Variants in EBF2 observed in about 807,000 individuals in gnomAD.
The protein encoded by EBF2 is EBF transcription factor 2.
EBF2 carries 21 observed loss-of-function variants against 72.8 expected under a neutral mutation model. The observed-to-expected ratio is 0.29, with a 90% CI of 0.20 to 0.42. The LOEUF is 0.42. Ranked by LOEUF, EBF2 falls within the 10% of genes least tolerant of loss-of-function variation. EBF2 has a pLI of 1.00. For missense variants in EBF2, 637 were observed against 731.2 expected (o/e 0.87, Z 1.49); for synonymous variants, 299 against 274.2 (o/e 1.09, Z -0.89).
At chr8:25,904,831 T>C (rs1288231105) in intron 7 of EBF2, among the ~76,000 whole-genome samples, 1 of 152,200 alleles carries the variant, frequency 6.6e-6, no homozygotes. Flanking sequence ...GTTATATTCT[T>C]AGTAGAATCT....
At chr8:25,864,338 C>A (rs902054566) in intron 10 of EBF2, among the ~76,000 whole-genome samples, 1 of 152,086 alleles carries the variant, frequency 6.6e-6, no homozygotes, top group African/African-American at 2.4e-5. Context: ...TTATAAACTG[C>A]GTGTTAATAC....
At chr8:25,949,364 A>G (rs190904412) in intron 6 of EBF2, among the ~76,000 whole-genome samples, 29 of 152,304 alleles carry the variant, frequency 1.9e-4, no homozygotes, top group Admixed American at 6.5e-5. Flanking sequence ...TGGAAGTTTG[A>G]TCATTTTTTA....
intron 10 of EBF2, among the ~76,000 whole-genome samples, chr8:25,866,051 T>A (rs889512209): frequency 1.3e-5 from 2 of 151,678 alleles, no homozygotes; most frequent in African/African-American, 4.8e-5. Context: ...TAACTGAAAG[T>A]AACTGTTATT....
At chr8:25,994,080 T>C (rs1355433369) in intron 6 of EBF2, among the ~76,000 whole-genome samples, 1 of 151,578 alleles carries the variant, frequency 6.6e-6, no homozygotes, top group Non-Finnish European at 1.5e-5. Context: ...TAAAGAAAAA[T>C]TAAAAGCTTA....
intron 6 of EBF2, among the ~76,000 whole-genome samples, chr8:26,022,338 G>A (rs372219410): frequency 1.8e-4 from 27 of 152,148 alleles, no homozygotes; most frequent in African/African-American, 6.0e-4. Flanking sequence ...TGTGCACGTC[G>A]TTTTCAATTA....
rs546978303 is a variant in EBF2, at chr8:26,037,713, A to C, written c.482+2315T>G. 1.3e-3 allele frequency among the ~76,000 whole-genome samples: 194 copies of C among 152,338 alleles called. 1 individual carries two copies. Among genetic ancestry groups the C allele is most frequent in the Non-Finnish European group, 2.2e-3 (149 of 68,036 alleles). ...TTAACCCTCTGAGCATTGAGGGCTC[A>C]GGGGTGGCTGGCAGCGACATAACAA... On this transcript the variant is annotated intron_variant, in intron 5 of 15. Coordinates refer to ENST00000520164, the MANE Select transcript of EBF2 (RefSeq NM_022659.4).
intron 6 of EBF2, among the ~76,000 whole-genome samples, chr8:25,951,387 G>C (rs1330307077): frequency 6.6e-6 from 1 of 152,118 alleles, no homozygotes; most frequent in African/African-American, 2.4e-5. Context: ...ACAACGTACA[G>C]TCCTTTTTTC....
chr8:25,914,656 A>C (rs767923227), intron 6 of EBF2, among the ~76,000 whole-genome samples: 1 of 152,234 alleles, frequency 6.6e-6, no homozygotes, highest in Non-Finnish European at 1.5e-5. Context: ...CTAGCACAAA[A>C]GCCCAAGAAG....
chr8:25,854,663 T>G (rs1319383026), intron 14 of EBF2, among the ~76,000 whole-genome samples: 1 of 152,200 alleles, frequency 6.6e-6, no homozygotes, highest in Non-Finnish European at 1.5e-5. Flanking sequence ...TAATAGGCTT[T>G]TTTTTTCTTT....
In EBF2 at chr8:25,842,170, T is replaced by C. The variant is rs191587104; in HGVS notation, c.*2439A>G. On this transcript the variant is annotated 3_prime_UTR_variant, in exon 16 of 16. Transcript: ENST00000520164. ...ACTCATATTCCAAGTGGCACAAAAA[T>C]AACTTGGGACTGGAATGATTGAATA... The C allele has an allele frequency of 6.6e-6, 1 of 152,254 alleles. No individual in the cohort carries two copies. The highest frequency in any genetic ancestry group is 1.9e-4 in the East Asian group (1 of 5,180). 9.4% of individuals were successfully genotyped at this position (152,254 alleles called of 1,614,324 possible).
chr8:25,926,590 T>C (rs1563402898), intron 6 of EBF2, among the ~76,000 whole-genome samples: 1 of 152,082 alleles, frequency 6.6e-6, no homozygotes, highest in Admixed American at 6.5e-5. Flanking sequence ...GTCCATTTAG[T>C]CCAGAAAGTC....
At chr8:26,041,581 G>A (rs1361835023) in intron 2 of EBF2, 5 of 162,190 alleles carry the variant, frequency 3.1e-5, no homozygotes, top group Non-Finnish European at 6.7e-5. Context: ...TCGGCGGACT[G>A]TCCTTCATTT....
At chr8:26,022,678 C>T (rs1805222594) in intron 6 of EBF2, among the ~76,000 whole-genome samples, 1 of 152,212 alleles carries the variant, frequency 6.6e-6, no homozygotes, top group Non-Finnish European at 1.5e-5. Context: ...GGGGCAGCTG[C>T]TGCATTTCTC....
intron 6 of EBF2, among the ~76,000 whole-genome samples, chr8:25,914,840 A>T (rs1803184876): frequency 6.6e-6 from 1 of 152,236 alleles, no homozygotes; most frequent in Non-Finnish European, 1.5e-5. Flanking sequence ...TAGAATCTTT[A>T]ATCTCCACAG....
At chr8:25,941,657 C>A (rs761367551) in intron 6 of EBF2, among the ~76,000 whole-genome samples, 8 of 152,178 alleles carry the variant, frequency 5.3e-5, no homozygotes, top group Non-Finnish European at 7.3e-5. Flanking sequence ...GTGCCCTAAG[C>A]TACGGAGGAG....
chr8:26,042,338 G>A (rs1283291404), intron 1 of EBF2, 87 bp from the exon 2 acceptor site: 2 of 1,468,326 alleles, frequency 1.4e-6, no homozygotes, highest in East Asian at 2.5e-5. Context: ...CTGCAGAGGG[G>A]TAAGGGGTCC....
chr8:25,946,916 A>G (rs1803778739), intron 6 of EBF2, among the ~76,000 whole-genome samples: 1 of 151,868 alleles, frequency 6.6e-6, no homozygotes, highest in African/African-American at 2.4e-5. Flanking sequence ...ATCATCTCAC[A>G]GAGTTACGTT....
chr8:25,962,285 G>A (rs1421065587), intron 6 of EBF2, among the ~76,000 whole-genome samples: 1 of 152,128 alleles, frequency 6.6e-6, no homozygotes, highest in Non-Finnish European at 1.5e-5. Flanking sequence ...GGTAGTTGTG[G>A]TTCTCTGACA....
At chr8:25,976,651 C>A (rs883771) in intron 6 of EBF2, among the ~76,000 whole-genome samples, 54,527 of 151,570 alleles carry the variant, frequency 0.36, 10,640 homozygotes, top group South Asian at 0.53. Flanking sequence ...CAAAACAAAA[C>A]AAAAATCTTC....
Sources: gnomAD v4.1 joint callset for allele counts (sites outside exome capture counted in the v4.1 genomes callset) on GRCh38, gnomAD v4.1.1 for gene constraint, MANE v1.5 for transcripts, NCBI Gene and HGNC (gene_info 2026-07-23, HGNC 2026-07-21) for gene names.